Variants in SEPTIN10 observed in about 807,000 individuals in gnomAD.
SEPTIN10 encodes the protein septin-10.
In SEPTIN10, 66 loss-of-function variants were observed where a neutral mutation model predicts 54.8. The ratio of observed to expected loss-of-function variants is 1.21; its 90% CI spans 0.99 to 1.48. SEPTIN10 has a LOEUF of 1.48. Ranked by LOEUF, SEPTIN10 falls within the 40% of genes most tolerant of loss-of-function variation. SEPTIN10 has a pLI of 0.00. For synonymous variants in SEPTIN10, 161 were observed against 181.0 expected (o/e 0.89, Z 0.89); for missense variants, 620 against 545.6 (o/e 1.14, Z -1.36).
chr2:109,596,922 TTTC>T (rs1324518701), intron 1 of SEPTIN10, among the ~76,000 whole-genome samples: 10 of 152,196 alleles, frequency 6.6e-5, no homozygotes, highest in African/African-American at 2.2e-4. Context: ...TGGAAAAGAT[TTTC>T]TTAATTTTTT....
At chr2:109,592,777 C>T (rs1372838811) in intron 2 of SEPTIN10, among the ~76,000 whole-genome samples, 2 of 144,620 alleles carry the variant, frequency 1.4e-5, no homozygotes, top group East Asian at 4.0e-4. Context: ...AAGACTCTGT[C>T]TAAAAAAAAA....
rs368933601 is a variant in SEPTIN10, at chr2:109,574,642, G to A, written c.539C>T (p.Ser180Leu). The A allele has an allele frequency of 6.9e-6, 11 of 1,604,350 alleles. No individual in the cohort carries two copies. The East Asian group carries it at 9.0e-5, about 13-fold the overall frequency. Residue 180 changes from serine to leucine, a missense_variant, in exon 5 of 11, where the codon TCA becomes TTA. Ser to Leu is a moderately radical substitution (Grantham distance 145). Transcript: ENST00000397712. Reference protein sequence around the residue: ...SRIHVCLYFISPTGHSLKTLD... With the variant: ...SRIHVCLYFILPTGHSLKTLD... ...TGTCTTCAGAGAGTGGCCTGTCGGT[G>A]AAATGAAGTAGAGACACACATGGAT... is the stretch of plus-strand genomic sequence containing the variant.
Position 109,553,173 on chromosome 2 carries a change from G to A in SEPTIN10, c.1075C>T (p.Arg359Cys). The stretch of plus-strand genomic sequence containing the variant: ...TTCATTTCTTCTTCCTTCCTCTGAC[G>A]TTCACCATGGAACTCATGTCTTTTG... ...EAKRHEFHGE[R>C]QRKEEEMKQM... Residue 359 changes from arginine (R) to cysteine (C), a missense_variant, in exon 9 of 11, where the codon CGT becomes TGT. Arg to Cys is a radical substitution (Grantham distance 180, BLOSUM62 -3). Coordinates refer to ENST00000397712, the MANE Select transcript of SEPTIN10 (RefSeq NM_144710.5). The A allele has an allele frequency of 4.3e-6, 7 of 1,613,912 alleles. No homozygotes were observed. The highest frequency in any genetic ancestry group is 1.1e-5 in the South Asian group (1 of 91,078).
intron 1 of SEPTIN10, among the ~76,000 whole-genome samples, chr2:109,611,156 T>A (rs553266077): frequency 1.2e-4 from 18 of 152,274 alleles, no homozygotes; most frequent in Admixed American, 1.2e-3. Context: ...GGCCCTCAAC[T>A]TAAGTCTGAC....
At chr2:109,565,897 G>A in intron 6 of SEPTIN10, 38 bp from the exon 7 acceptor site, 1 of 1,481,890 alleles carries the variant, frequency 6.7e-7, no homozygotes, top group South Asian at 1.1e-5. Context: ...TCATACCACT[G>A]TGATAACTGA....
chr2:109,557,319 T>C (rs577955456), intron 8 of SEPTIN10, among the ~76,000 whole-genome samples: 1 of 152,308 alleles, frequency 6.6e-6, no homozygotes, highest in East Asian at 1.9e-4. Context: ...GACCTAACAT[T>C]TGTTGAGTAT....
At chr2:109,595,502 G>C (rs1205847249) in intron 1 of SEPTIN10, among the ~76,000 whole-genome samples, 1 of 152,172 alleles carries the variant, frequency 6.6e-6, no homozygotes, top group Non-Finnish European at 1.5e-5. Context: ...CTGTAGGACA[G>C]AAACAAAGTG....
chr2:109,595,913 G>A (rs943782101), intron 1 of SEPTIN10, among the ~76,000 whole-genome samples: 5 of 152,142 alleles, frequency 3.3e-5, no homozygotes, highest in Non-Finnish European at 5.9e-5. Flanking sequence ...CGTTAATTCC[G>A]GACCTAACAT....
Position 109,544,181 on chromosome 2 carries a change from G to A in SEPTIN10, c.*128C>T, listed in dbSNP as rs573817287. On this transcript the variant is annotated 3_prime_UTR_variant, in exon 11 of 11. Coordinates refer to ENST00000397712, the MANE Select transcript of SEPTIN10 (RefSeq NM_144710.5). ...TGAAAGTACTTTTCCATAAATATCA[G>A]TAACTGTGGCTGTTCACCAAATATA... The A allele has an allele frequency of 1.4e-5, 22 of 1,592,336 alleles. No homozygotes were observed. The South Asian group carries it at 2.3e-4, about 17-fold the overall frequency.
chr2:109,593,996 T>C (rs1042501037), intron 1 of SEPTIN10, among the ~76,000 whole-genome samples: 2 of 152,110 alleles, frequency 1.3e-5, no homozygotes, highest in African/African-American at 2.4e-5. Context: ...GATGAAAAAA[T>C]TCAGATTCTG....
intron 1 of SEPTIN10, 161 bp downstream of exon 1, chr2:109,613,637 C>T: frequency 2.3e-6 from 1 of 427,652 alleles, no homozygotes; most frequent in Non-Finnish European, 3.6e-6. Flanking sequence ...CCGCCCCAGG[C>T]GCCCGGCCGC....
At chr2:109,609,133 C>T (rs1358851074) in intron 1 of SEPTIN10, among the ~76,000 whole-genome samples, 2 of 152,194 alleles carry the variant, frequency 1.3e-5, no homozygotes, top group African/African-American at 2.4e-5. Context: ...AAGTATGACA[C>T]TATCAGTGTT....
At chr2:109,554,568 C>A (rs960013225) in intron 8 of SEPTIN10, among the ~76,000 whole-genome samples, 2 of 152,098 alleles carry the variant, frequency 1.3e-5, no homozygotes, top group African/African-American at 4.8e-5. Flanking sequence ...ATGAACTTAA[C>A]GCTTACAGCT....
rs4610065 is a variant in SEPTIN10 at position 109,590,025 on chromosome 2, C to T, written c.99+3026G>A. Among the ~76,000 whole-genome samples, 37 of 149,632 alleles carry T rather than the reference C, an allele frequency of 2.5e-4. No individual in the cohort carries two copies. The East Asian group carries it at 7.4e-3, about 30-fold the overall frequency. ...TCACATAATCATATATATATATACA[C>T]ACACATATATACACACATATATATG... On this transcript the variant is annotated intron_variant, in intron 2 of 10. Coordinates refer to ENST00000397712, the MANE Select transcript of SEPTIN10 (RefSeq NM_144710.5).
At chr2:109,583,051 G>A (rs369458457) in intron 4 of SEPTIN10, among the ~76,000 whole-genome samples, 3 of 152,210 alleles carry the variant, frequency 2.0e-5, no homozygotes, top group Non-Finnish European at 2.9e-5. Context: ...AGACTGAAAT[G>A]TAAGACCTCA....
intron 1 of SEPTIN10, among the ~76,000 whole-genome samples, chr2:109,607,138 C>T (rs1698175050): frequency 6.6e-6 from 1 of 152,122 alleles, no homozygotes; most frequent in South Asian, 2.1e-4. Context: ...TTGTAAAAAG[C>T]TTTCATTCTA....
intron 8 of SEPTIN10, among the ~76,000 whole-genome samples, chr2:109,559,460 C>T (rs1685127246): frequency 6.6e-6 from 1 of 152,206 alleles, no homozygotes; most frequent in Non-Finnish European, 1.5e-5. Flanking sequence ...CGTAGCCTGA[C>T]CTAAGCTGAA....
chr2:109,597,074 A>G (rs1024501102), intron 1 of SEPTIN10, among the ~76,000 whole-genome samples: 8 of 152,074 alleles, frequency 5.3e-5, no homozygotes, highest in African/African-American at 1.4e-4. Context: ...CAGCCTCCTA[A>G]GTAGATGGGA....
intron 2 of SEPTIN10, among the ~76,000 whole-genome samples, chr2:109,589,164 A>ACC: frequency 6.6e-6 from 1 of 151,600 alleles, no homozygotes; most frequent in Non-Finnish European, 1.5e-5. Flanking sequence ...CTTTTTTGAG[A>ACC]TGGAGTCTCA....
Sources: gnomAD v4.1 joint callset for allele counts (sites outside exome capture counted in the v4.1 genomes callset) on GRCh38, gnomAD v4.1.1 for gene constraint, MANE v1.5 for transcripts, NCBI Gene and HGNC (gene_info 2026-07-23, HGNC 2026-07-21) for gene names.